The following SEC24D variants were observed in gnomAD, a reference collection of about 807,000 sequenced individuals.
SEC24D encodes the protein SEC24 homolog D, COPII component.
SEC24D carries 69 observed loss-of-function variants against 116.9 expected under a neutral mutation model. The ratio of observed to expected loss-of-function variants is 0.59; its 90% confidence interval spans 0.49 to 0.72. The LOEUF is 0.72. Ranked by LOEUF, SEC24D falls within the 30% of genes least tolerant of loss-of-function variation. The probability of loss-of-function intolerance (pLI) is 0.00; values close to 1 mark genes in which losing one functional copy is unlikely to be tolerated. For missense variants in SEC24D, 1,131 were observed against 1,264.1 expected (o/e 0.89, Z 1.60); for synonymous variants, 405 against 442.8 (o/e 0.91, Z 1.07).
At chr4:118,768,421 G>A in intron 8 of SEC24D, 110 bp from the exon 9 acceptor site, 1 of 754,340 alleles carries the variant, frequency 1.3e-6, no homozygotes, top group Non-Finnish European at 2.0e-6. Flanking sequence ...TTGAGACAGA[G>A]TCTTGCTCTG....
chr4:118,820,118 A>C (rs1462154821), intron 3 of SEC24D, among the ~76,000 whole-genome samples: 1 of 152,122 alleles, frequency 6.6e-6, no homozygotes, highest in Non-Finnish European at 1.5e-5. Flanking sequence ...CCTCATATAA[A>C]TGCCTCACAT....
intron 20 of SEC24D, 50 bp from the exon 21 acceptor site, chr4:118,731,557 T>C (rs1725687678): frequency 6.7e-7 from 1 of 1,491,198 alleles, no homozygotes; most frequent in Non-Finnish European, 9.3e-7. Flanking sequence ...TCCCCTTCCC[T>C]TCCCTCCTTC....
At chr4:118,756,516 T>A (rs1192457196) in intron 11 of SEC24D, among the ~76,000 whole-genome samples, 1 of 152,052 alleles carries the variant, frequency 6.6e-6, no homozygotes, top group South Asian at 2.1e-4. Context: ...GCCTCACATC[T>A]CCCAAAGCAC....
chr4:118,760,098 G>A (rs1262155242), intron 10 of SEC24D, among the ~76,000 whole-genome samples: 2 of 152,156 alleles, frequency 1.3e-5, no homozygotes, highest in Non-Finnish European at 2.9e-5. Context: ...GGCCCACGTG[G>A]CTCTTTTAGT....
At chr4:118,736,899 T>C (rs1725992569) in intron 19 of SEC24D, among the ~76,000 whole-genome samples, 2 of 152,246 alleles carry the variant, frequency 1.3e-5, no homozygotes, top group South Asian at 4.1e-4. Flanking sequence ...GCAATGCTTT[T>C]AACTTTTAAA....
intron 19 of SEC24D, chr4:118,736,640 C>A: frequency 4.7e-6 from 1 of 214,978 alleles, no homozygotes; most frequent in South Asian, 5.8e-5. Context: ...TCTATGTTTT[C>A]AGACAATACT....
At chr4:118,759,912 C>T (rs143809187) in intron 10 of SEC24D, among the ~76,000 whole-genome samples, 3 of 152,296 alleles carry the variant, frequency 2.0e-5, no homozygotes, top group Admixed American at 6.5e-5. Context: ...AAAGTTCTGC[C>T]AGCACCTTAG....
intron 3 of SEC24D, among the ~76,000 whole-genome samples, chr4:118,821,178 T>C (rs56162974): frequency 0.044 from 6,663 of 152,276 alleles, 202 homozygotes; most frequent in Non-Finnish European, 0.064. Context: ...CTAAATAAAA[T>C]TGAAGAAAAA....
chr4:118,755,478 A>G (rs1727047447), intron 11 of SEC24D, among the ~76,000 whole-genome samples: 1 of 150,476 alleles, frequency 6.6e-6, no homozygotes, highest in Non-Finnish European at 1.5e-5. Context: ...AAAAAAAAAA[A>G]GGCAAAATAA....
chr4:118,734,552 T>C (rs1160495883), intron 19 of SEC24D, among the ~76,000 whole-genome samples: 1 of 152,156 alleles, frequency 6.6e-6, no homozygotes, highest in Non-Finnish European at 1.5e-5. Flanking sequence ...TATAGAGTTA[T>C]CAGAATCCAC....
chr4:118,807,445 C>T (rs1317034990), intron 6 of SEC24D, among the ~76,000 whole-genome samples: 3 of 151,744 alleles, frequency 2.0e-5, no homozygotes, highest in Non-Finnish European at 2.9e-5. Context: ...TTCTCTTCTC[C>T]CTTCCCTCAC....
At chr4:118,815,278 G>A (rs1412803180) in intron 5 of SEC24D, 123 bp from the exon 6 acceptor site, 26 of 1,389,530 alleles carry the variant, frequency 1.9e-5, no homozygotes, top group Non-Finnish European at 2.3e-5. Context: ...AAAAAGCAAG[G>A]AGTCAAGTAT....
chr4:118,805,521 C>T (rs1322042028), intron 7 of SEC24D, among the ~76,000 whole-genome samples: 1 of 152,196 alleles, frequency 6.6e-6, no homozygotes, highest in Non-Finnish European at 1.5e-5. Flanking sequence ...CTGCTCTGCT[C>T]GTGCCAGCTT....
At chr4:118,801,036 T>C (rs774660555) in intron 7 of SEC24D, among the ~76,000 whole-genome samples, 3 of 151,844 alleles carry the variant, frequency 2.0e-5, no homozygotes, top group Non-Finnish European at 4.4e-5. Flanking sequence ...CCGAGACGGG[T>C]GGATCACAAG....
intron 8 of SEC24D, among the ~76,000 whole-genome samples, chr4:118,794,118 A>C (rs1729070475): frequency 6.6e-6 from 1 of 152,332 alleles, no homozygotes; most frequent in South Asian, 2.1e-4. Flanking sequence ...ACAACTTTGG[A>C]AAATAGAAAC....
At chr4:118,799,597 T>C (rs2110507795) in intron 7 of SEC24D, among the ~76,000 whole-genome samples, 1 of 152,184 alleles carries the variant, frequency 6.6e-6, no homozygotes, top group Middle Eastern at 3.4e-3. Context: ...TACTGAGCCC[T>C]GGGGTCCTCC....
chr4:118,781,137 T>C (rs1424856705), intron 8 of SEC24D, among the ~76,000 whole-genome samples: 1 of 152,102 alleles, frequency 6.6e-6, no homozygotes, highest in East Asian at 1.9e-4. Context: ...GTTATGATGT[T>C]AGCTGGTTAT....
rs1728368824 is a variant in SEC24D at position 118,780,906 on chromosome 4, G to GATTTTTTTTTTTTTTT, written c.1042-12596_1042-12595insAAAAAAAAAAAAAAAT. ...ATCAGAGACTAGGATTGCAACCCCT[G>GATTTTTTTTTTTTTTT]CTTTTTTTTTTTTTTTTTTTTTTTT... On this transcript the variant is annotated intron_variant, in intron 8 of 22. Coordinates refer to ENST00000280551, the MANE Select transcript of SEC24D (RefSeq NM_014822.4). 1.4e-4 allele frequency among the ~76,000 whole-genome samples: 15 copies of GATTTTTTTTTTTTTTT among 106,108 alleles called. 1 individual carries two copies. Among genetic ancestry groups the GATTTTTTTTTTTTTTT allele is most frequent in the Non-Finnish European group, 2.1e-4 (11 of 52,146 alleles). 69.6% of individuals were successfully genotyped at this position (106,108 alleles called of 152,430 possible).
chr4:118,798,032 T>A (rs951251281), intron 7 of SEC24D, among the ~76,000 whole-genome samples: 9 of 152,228 alleles, frequency 5.9e-5, no homozygotes, highest in African/African-American at 1.7e-4. Flanking sequence ...CTCTGAATCC[T>A]ACTGCAAAGA....
Sources: gnomAD v4.1 joint callset for allele counts (sites outside exome capture counted in the v4.1 genomes callset) on GRCh38, gnomAD v4.1.1 for gene constraint, MANE v1.5 for transcripts, NCBI Gene and HGNC (gene_info 2026-07-23, HGNC 2026-07-21) for gene names.